The following FAM171A1 variants were observed in gnomAD, a reference collection of about 807,000 sequenced individuals.
FAM171A1 encodes the protein protein FAM171A1.
FAM171A1 carries 23 observed loss-of-function variants against 74.9 expected under a neutral mutation model. That is an observed-to-expected ratio of 0.31 (90% confidence interval 0.22 to 0.44). The LOEUF (loss-of-function observed/expected upper bound fraction) is 0.44. Among genes scored for constraint, FAM171A1 ranks in the 20% least tolerant of loss-of-function variants. The pLI, the probability that FAM171A1 is intolerant of heterozygous loss-of-function variation, is 1.00. For synonymous variants in FAM171A1, 527 were observed against 505.7 expected (o/e 1.04, Z -0.57); for missense variants, 1,162 against 1,159.2 (o/e 1.00, Z -0.03).
At chr10:15,239,940 G>A (rs1473625856) in intron 5 of FAM171A1, among the ~76,000 whole-genome samples, 1 of 152,224 alleles carries the variant, frequency 6.6e-6, no homozygotes, top group African/African-American at 2.4e-5. Context: ...AGTGAGCATT[G>A]CCTTTGGGCA....
At chr10:15,258,918 T>C (rs1024367430) in intron 3 of FAM171A1, among the ~76,000 whole-genome samples, 1 of 152,204 alleles carries the variant, frequency 6.6e-6, no homozygotes, top group Non-Finnish European at 1.5e-5. Context: ...GTGGGTTCCC[T>C]TTCACTGCCA....
intron 1 of FAM171A1, among the ~76,000 whole-genome samples, chr10:15,315,306 G>A (rs893642740): frequency 5.9e-5 from 9 of 152,210 alleles, no homozygotes; most frequent in Admixed American, 2.6e-4. Context: ...CCTTTGTCTC[G>A]GTTTCTCCCA....
chr10:15,234,614 C>G (rs144862753), intron 5 of FAM171A1, among the ~76,000 whole-genome samples: 1 of 151,830 alleles, frequency 6.6e-6, no homozygotes, highest in Admixed American at 6.6e-5. Flanking sequence ...GCCTAGCGAC[C>G]AGTCTGATTG....
chr10:15,356,300 A>G (rs1214380864), intron 1 of FAM171A1, among the ~76,000 whole-genome samples: 1 of 151,728 alleles, frequency 6.6e-6, no homozygotes, highest in Admixed American at 6.6e-5. Context: ...AACTAACAAT[A>G]CCTTATGTTT....
chr10:15,234,675 C>T (rs1190839037), intron 5 of FAM171A1, among the ~76,000 whole-genome samples: 5 of 149,166 alleles, frequency 3.4e-5, no homozygotes, highest in Admixed American at 2.0e-4. Context: ...TTTTTTGAGA[C>T]GGAGTCTTGC....
chr10:15,294,978 C>T (rs1004001164), intron 1 of FAM171A1, among the ~76,000 whole-genome samples: 10 of 152,134 alleles, frequency 6.6e-5, no homozygotes, highest in South Asian at 2.1e-4. Context: ...TGCAGTGGCG[C>T]GATCTCGGCT....
chr10:15,241,160 G>A (rs1834359837), intron 5 of FAM171A1: 1 of 152,170 alleles, frequency 6.6e-6, no homozygotes, highest in Non-Finnish European at 1.5e-5. Context: ...TTGAGGTCTG[G>A]CCCTACAATG....
At chr10:15,274,848 A>G (rs563563225) in intron 3 of FAM171A1, among the ~76,000 whole-genome samples, 1 of 152,328 alleles carries the variant, frequency 6.6e-6, no homozygotes, top group Admixed American at 6.5e-5. Flanking sequence ...ACTTGGAACC[A>G]ACCCAAATGT....
In FAM171A1 at chr10:15,216,080, T is replaced by C; in HGVS notation, c.902A>G (p.Tyr301Cys). ...AATGGCCAAAAGAAACACCGTGTGA[T>C]ACGTGGTAATGTCCTGTGTTACAAC... ...GPVVTQDITT[Y>C]HTVFLLAILG... is the part of the protein sequence containing the mutation. The change falls in exon 7 of 8, where the codon TAT becomes TGT. Residue 301 changes from tyrosine to cysteine, a missense_variant. Tyr to Cys is a radical substitution (Grantham distance 194). Transcript: ENST00000378116. 6.2e-7 allele frequency: 1 copy of C among 1,609,214 alleles called. No homozygotes were observed. The highest frequency in any genetic ancestry group is 8.5e-7 in the Non-Finnish European group (1 of 1,179,054).
chr10:15,317,997 G>T (rs1835442668), intron 1 of FAM171A1, among the ~76,000 whole-genome samples: 1 of 152,174 alleles, frequency 6.6e-6, no homozygotes, highest in African/African-American at 2.4e-5. Context: ...GTCTCACTAT[G>T]TTGCCCAGGT....
At chr10:15,337,864 T>G (rs1835722327) in intron 1 of FAM171A1, among the ~76,000 whole-genome samples, 1 of 152,028 alleles carries the variant, frequency 6.6e-6, no homozygotes, top group African/African-American at 2.4e-5. Context: ...GGCAGGAGAA[T>G]CACTTGAACC....
chr10:15,357,398 T>C (rs1257510661), intron 1 of FAM171A1, among the ~76,000 whole-genome samples: 4 of 152,010 alleles, frequency 2.6e-5, no homozygotes, highest in Non-Finnish European at 5.9e-5. Flanking sequence ...TTATATGAAG[T>C]TCTAAAAAAG....
chr10:15,304,534 T>A (rs1324925792), intron 1 of FAM171A1, among the ~76,000 whole-genome samples: 1 of 152,100 alleles, frequency 6.6e-6, no homozygotes, highest in Non-Finnish European at 1.5e-5. Context: ...ACCCTAAACC[T>A]GCTGCGGCCG....
intron 1 of FAM171A1, among the ~76,000 whole-genome samples, chr10:15,302,257 G>A (rs1835238841): frequency 1.3e-5 from 2 of 151,852 alleles, no homozygotes; most frequent in Admixed American, 1.3e-4. Context: ...TGAGGTCAGG[G>A]GTTTGAGACC....
At chr10:15,311,980 G>T (rs116770037) in intron 1 of FAM171A1, among the ~76,000 whole-genome samples, 16 of 152,318 alleles carry the variant, frequency 1.1e-4, no homozygotes, top group African/African-American at 3.8e-4. Context: ...TTACAGTGAG[G>T]TATGTGAGAT....
chr10:15,367,822 A>G (rs533339728), intron 1 of FAM171A1, among the ~76,000 whole-genome samples: 1 of 152,346 alleles, frequency 6.6e-6, no homozygotes, highest in South Asian at 2.1e-4. Flanking sequence ...TCCAGCGACA[A>G]AATAAACATC....
chr10:15,248,949 A>G lies in FAM171A1; in HGVS notation c.578-134T>C. 6.7e-6 allele frequency: 5 copies of G among 740,972 alleles called. No homozygotes were observed. In the South Asian group the frequency reaches 8.9e-5, roughly 13 times the overall value. 45.9% of individuals were successfully genotyped at this position (740,972 alleles called of 1,614,324 possible). On this transcript the variant is annotated intron_variant, in intron 4 of 7. Transcript: ENST00000378116. ...GGACTGCATGAAGCACTTTACATACATAATCCTCACCACAACCCAGTAAGG... is the reference window on the plus strand; with the variant it reads ...GGACTGCATGAAGCACTTTACATACGTAATCCTCACCACAACCCAGTAAGG...
chr10:15,360,094 G>A (rs879765105), intron 1 of FAM171A1, among the ~76,000 whole-genome samples: 1 of 152,110 alleles, frequency 6.6e-6, no homozygotes, highest in Non-Finnish European at 1.5e-5. Context: ...ACCATGCCTG[G>A]CTAATTTTTT....
chr10:15,245,335 G>T (rs1468399624), intron 5 of FAM171A1, among the ~76,000 whole-genome samples: 1 of 152,162 alleles, frequency 6.6e-6, no homozygotes, highest in Non-Finnish European at 1.5e-5. Flanking sequence ...CCAAAGTGCT[G>T]GTATTACAGG....
Sources: gnomAD v4.1 joint callset for allele counts (sites outside exome capture counted in the v4.1 genomes callset) on GRCh38, gnomAD v4.1.1 for gene constraint, MANE v1.5 for transcripts, NCBI Gene and HGNC (gene_info 2026-07-23, HGNC 2026-07-21) for gene names.